The following TUSC3 variants were observed in gnomAD, a reference collection of about 807,000 sequenced individuals.
TUSC3 encodes the protein tumor suppressor candidate 3.
In TUSC3, 45 loss-of-function variants were observed where a neutral mutation model predicts 44.8. That is an observed-to-expected ratio of 1.00 (90% CI 0.79 to 1.29). The LOEUF (loss-of-function observed/expected upper bound fraction) is 1.29. Ranked by LOEUF, TUSC3 falls within the 50% of genes most tolerant of loss-of-function variation. The probability of loss-of-function intolerance (pLI) is 0.00; values close to 1 mark genes in which losing one functional copy is unlikely to be tolerated. For missense variants in TUSC3, 519 were observed against 437.9 expected (o/e 1.19, Z -1.65); for synonymous variants, 212 against 152.9 (o/e 1.39, Z -2.85).
chr8:15,758,114 C>T, intron 10 of TUSC3: 1 of 1,211,368 alleles, frequency 8.3e-7, no homozygotes, highest in East Asian at 3.7e-5. Context: ...CCACCCCCAA[C>T]AAATATACTT....
At chr8:15,490,428 T>TACC (rs1800792518) in intron 2 of TUSC3, among the ~76,000 whole-genome samples, 1 of 152,064 alleles carries the variant, frequency 6.6e-6, no homozygotes, top group African/African-American at 2.4e-5. Flanking sequence ...CCACCACCAC[T>TACC]ACCATCATCA....
At chr8:15,568,042 A>C (rs1015268964) in intron 1 of TUSC3, among the ~76,000 whole-genome samples, 2 of 152,134 alleles carry the variant, frequency 1.3e-5, no homozygotes, top group African/African-American at 2.4e-5. Context: ...GCAAGGCTAC[A>C]CATATTACTC....
intron 1 of TUSC3, among the ~76,000 whole-genome samples, chr8:15,447,216 A>G (rs1471382548): frequency 6.6e-6 from 1 of 152,202 alleles, no homozygotes; most frequent in Admixed American, 6.5e-5. Flanking sequence ...TCCCAGAAAC[A>G]ACTACTATCA....
intron 10 of TUSC3, chr8:15,758,197 AT>A (rs1443897537): frequency 9.8e-7 from 1 of 1,022,852 alleles, no homozygotes; most frequent in Non-Finnish European, 1.2e-6. Context: ...TCTAGGAAAA[AT>A]GTAGCCAAAT....
At chr8:15,733,592 C>T (rs911037840) in intron 7 of TUSC3, 1 of 214,952 alleles carries the variant, frequency 4.7e-6, no homozygotes, top group African/African-American at 2.4e-5. Flanking sequence ...TGAATGTTTT[C>T]ATATAGATCT....
chr8:15,448,484 C>T (rs914180322), intron 1 of TUSC3, among the ~76,000 whole-genome samples: 4 of 152,016 alleles, frequency 2.6e-5, no homozygotes, highest in Non-Finnish European at 1.5e-5. Context: ...GGAGATTTTA[C>T]CCTTTCACAG....
the TUSC3 span, among the ~76,000 whole-genome samples, chr8:15,829,540 G>A: frequency 6.7e-6 from 1 of 149,650 alleles, no homozygotes; most frequent in Non-Finnish European, 1.5e-5. Flanking sequence ...GATATAAGTT[G>A]CAAAGGTCTC....
At chr8:15,537,332 C>T (rs1488533198), upstream of TUSC3, among the ~76,000 whole-genome samples, 1 of 152,172 alleles carries the variant, frequency 6.6e-6, no homozygotes, top group Admixed American at 6.5e-5. Context: ...TTTAAGTCGT[C>T]CTGCCTTTCT....
chr8:15,509,419 G>A (rs2129128044), intron 2 of TUSC3, among the ~76,000 whole-genome samples: 1 of 152,234 alleles, frequency 6.6e-6, no homozygotes, highest in East Asian at 1.9e-4. Context: ...AACCAGCCTG[G>A]CCAACATGGT....
At chr8:15,480,174 A>G (rs12678690) in intron 1 of TUSC3, among the ~76,000 whole-genome samples, 3 of 152,248 alleles carry the variant, frequency 2.0e-5, no homozygotes, top group African/African-American at 7.2e-5. Context: ...GCTCAAGGAA[A>G]TAGAAGAGGA....
chr8:15,547,110 T>C (rs2129134987), intron 1 of TUSC3, among the ~76,000 whole-genome samples: 1 of 151,716 alleles, frequency 6.6e-6, no homozygotes, highest in East Asian at 2.0e-4. Context: ...ACCTACCAAG[T>C]TTGATATTTG....
At position 15,700,849 on chromosome 8, in the gene TUSC3, C is replaced by CTTTTTTTT. The variant is rs71211076; in HGVS notation, c.798+27024_798+27031dup. On this transcript the variant is annotated intron_variant, in intron 6 of 10. Transcript: ENST00000503731. Reference sequence around the variant, plus strand: ...CTTTCACTAGAGGGAATGGCTGGAGCTTTTTTTTTTTTTTTTTTGCTTTGC... The same window carrying CTTTTTTTT: ...CTTTCACTAGAGGGAATGGCTGGAGCTTTTTTTTTTTTTTTTTTTTTTTTTTGCTTTGC... Among the ~76,000 whole-genome samples the CTTTTTTTT allele has an allele frequency of 2.5e-4, 23 of 90,532 alleles. 1 individual carries two copies. The highest frequency in any genetic ancestry group is 1.6e-3 in the East Asian group (4 of 2,556). The allele number at this position is 90,532 out of a possible 152,430, so 59.4% of individuals were successfully genotyped here.
the TUSC3 span, among the ~76,000 whole-genome samples, chr8:15,802,125 A>G: frequency 6.6e-6 from 1 of 152,132 alleles, no homozygotes; most frequent in African/African-American, 2.4e-5. Context: ...ACCACGTAAG[A>G]GTAGAAAGAG....
At chr8:15,571,234 G>C (rs1424923409) in intron 1 of TUSC3, among the ~76,000 whole-genome samples, 1 of 151,794 alleles carries the variant, frequency 6.6e-6, no homozygotes, top group African/African-American at 2.4e-5. Context: ...GATTACAGGC[G>C]TGAGCCGCTG....
At chr8:15,517,481 A>G (rs1016859845) in intron 2 of TUSC3, among the ~76,000 whole-genome samples, 2 of 146,566 alleles carry the variant, frequency 1.4e-5, no homozygotes, top group Non-Finnish European at 3.0e-5. Flanking sequence ...ATGACTGAAA[A>G]TCTAAATGCT....
At chr8:15,427,379 C>G (rs1206642592) in intron 1 of TUSC3, among the ~76,000 whole-genome samples, 1 of 151,850 alleles carries the variant, frequency 6.6e-6, no homozygotes, top group Non-Finnish European at 1.5e-5. Flanking sequence ...TTAACTGCCT[C>G]TCTAGAATAA....
the TUSC3 span, among the ~76,000 whole-genome samples, chr8:15,847,139 T>C: frequency 6.6e-6 from 1 of 152,154 alleles, no homozygotes; most frequent in Non-Finnish European, 1.5e-5. Flanking sequence ...TGGGCAGGTC[T>C]GCATGTATTG....
At chr8:15,839,234 C>T in the TUSC3 span, among the ~76,000 whole-genome samples, 3 of 152,104 alleles carry the variant, frequency 2.0e-5, no homozygotes, top group African/African-American at 7.2e-5. Flanking sequence ...GGTGAAGTTC[C>T]TTATCAGCTT....
chr8:15,487,835 A>G (rs1430679522), intron 2 of TUSC3, among the ~76,000 whole-genome samples: 1 of 151,920 alleles, frequency 6.6e-6, no homozygotes, highest in Non-Finnish European at 1.5e-5. Flanking sequence ...TCAAAAGCAA[A>G]CTATATCTAA....
Sources: gnomAD v4.1 joint callset for allele counts (sites outside exome capture counted in the v4.1 genomes callset) on GRCh38, gnomAD v4.1.1 for gene constraint, MANE v1.5 for transcripts, NCBI Gene and HGNC (gene_info 2026-07-23, HGNC 2026-07-21) for gene names.